FAT3: variants seen among roughly 807,000 people sequenced by gnomAD.
FAT3 encodes protocadherin Fat 3.
Under a neutral mutation model 310.2 loss-of-function variants are expected in FAT3, and 95 were observed. The observed-to-expected ratio is 0.31, with a 90% CI of 0.26 to 0.36. The LOEUF is 0.36. Among genes scored for constraint, FAT3 ranks in the 10% least tolerant of loss-of-function variants. The pLI is 1.00. For missense variants in FAT3, 5,408 were observed against 5,715.6 expected, an observed-to-expected ratio of 0.95 and a Z score of 1.74; for synonymous variants, 2,314 against 2,192.9, an observed-to-expected ratio of 1.06 and a Z score of -1.54.
rs183283798 is a variant in FAT3 at position 92,305,807 on chromosome 11, G to A, written c.-17-46289G>A. Among the ~76,000 whole-genome samples, 36 of 152,196 alleles carry A rather than the reference G, an allele frequency of 2.4e-4. 1 individual carries two copies. In the East Asian group the frequency reaches 5.8e-3, roughly 25 times the overall value. On this transcript the variant is annotated intron_variant, in intron 1 of 27. Transcript: ENST00000525166. ...CAAAGACAGACTAAGGAAATGTCCC[G>A]GATTGGAGGGGACTTAGTAGAAATG... is the stretch of plus-strand genomic sequence containing the variant.
At chr11:92,289,783 C>T (rs1186835144) in intron 1 of FAT3, among the ~76,000 whole-genome samples, 6 of 152,058 alleles carry the variant, frequency 3.9e-5, no homozygotes, top group African/African-American at 1.4e-4. Context: ...GCAGTAGCCT[C>T]TTTACTGGTC....
intron 4 of FAT3, among the ~76,000 whole-genome samples, chr11:92,728,524 G>GT (rs1020677589): frequency 6.6e-6 from 1 of 152,024 alleles, no homozygotes; most frequent in Non-Finnish European, 1.5e-5. Context: ...TTTTTTGTTT[G>GT]TTTTTTTAAA....
chr11:92,708,861 G>A (rs1426594023), intron 4 of FAT3, among the ~76,000 whole-genome samples: 1 of 152,214 alleles, frequency 6.6e-6, no homozygotes, highest in African/African-American at 2.4e-5. Context: ...TAAATAAGCT[G>A]TAAACATGTA....
intron 1 of FAT3, among the ~76,000 whole-genome samples, chr11:92,255,224 C>T (rs376393538): frequency 6.6e-6 from 1 of 151,874 alleles, no homozygotes; most frequent in Non-Finnish European, 1.5e-5. Flanking sequence ...CTCACAGGCC[C>T]CTCCCTGGGT....
chr11:92,302,744 T>G (rs969856227), intron 1 of FAT3, among the ~76,000 whole-genome samples: 3 of 152,188 alleles, frequency 2.0e-5, no homozygotes, highest in African/African-American at 7.2e-5. Context: ...CTGTTTTTAT[T>G]AATCATTTAA....
rs376019305 is a variant in FAT3, at chr11:92,798,611, C to T, written c.5598C>T (p.Pro1866=). ...SGSPQLTAES[P]VEVNIEVTDV... is the part of the protein sequence containing the mutation. ...GCCCCCAACTGACTGCAGAGAGTCC[C>T]GTTGAAGTCAACATTGAGGTGACAG... The change falls in exon 10 of 28, where the codon CCC becomes CCT. Residue 1866 remains proline (P), a synonymous_variant. Coordinates refer to ENST00000525166, the MANE Select transcript of FAT3 (RefSeq NM_001367949.2). The T allele has an allele frequency of 3.0e-5, 48 of 1,613,634 alleles. No individual in the cohort carries two copies. The highest frequency in any genetic ancestry group is 5.5e-5 in the South Asian group (5 of 91,024).
At chr11:92,617,266 A>G (rs1327567519) in intron 3 of FAT3, among the ~76,000 whole-genome samples, 1 of 152,118 alleles carries the variant, frequency 6.6e-6, no homozygotes, top group Non-Finnish European at 1.5e-5. Flanking sequence ...CACTTGATCA[A>G]ATTAGCTACT....
intron 2 of FAT3, among the ~76,000 whole-genome samples, chr11:92,394,596 G>A (rs1949821029): frequency 6.6e-6 from 1 of 151,672 alleles, no homozygotes; most frequent in African/African-American, 2.4e-5. Flanking sequence ...GTGGGATTTG[G>A]GCAAATTCCT....
chr11:92,665,650 T>C (rs992107734), intron 3 of FAT3, among the ~76,000 whole-genome samples: 6 of 152,206 alleles, frequency 3.9e-5, no homozygotes, highest in Admixed American at 2.0e-4. Flanking sequence ...CTCTTCTTTT[T>C]CATTTTAGTG....
chr11:92,304,170 T>C (rs1309902467), intron 1 of FAT3, among the ~76,000 whole-genome samples: 2 of 152,094 alleles, frequency 1.3e-5, no homozygotes, highest in Non-Finnish European at 2.9e-5. Flanking sequence ...CATGAGTGCT[T>C]AGGAAGGGCT....
At chr11:92,492,837 G>A (rs1270458548) in intron 2 of FAT3, among the ~76,000 whole-genome samples, 1 of 152,090 alleles carries the variant, frequency 6.6e-6, no homozygotes, top group African/African-American at 2.4e-5. Flanking sequence ...GCACTCAGTA[G>A]ATGCTGAACA....
At chr11:92,839,229 G>A (rs1948477351) in intron 17 of FAT3, among the ~76,000 whole-genome samples, 1 of 152,144 alleles carries the variant, frequency 6.6e-6, no homozygotes, top group African/African-American at 2.4e-5. Context: ...GAGTGATGGT[G>A]GGGCCCCTAT....
chr11:92,583,893 ATGAAGTAT>A (rs1452982506), intron 3 of FAT3, among the ~76,000 whole-genome samples: 1 of 149,064 alleles, frequency 6.7e-6, no homozygotes. Context: ...GAGGGAGCAG[ATGAAGTAT>A]TTGGATTGGG....
At chr11:92,299,058 TA>T (rs940076453) in intron 1 of FAT3, among the ~76,000 whole-genome samples, 1 of 151,964 alleles carries the variant, frequency 6.6e-6, no homozygotes, top group African/African-American at 2.4e-5. Flanking sequence ...AGAAGAGGGG[TA>T]GCTTTCTGTG....
At chr11:92,402,038 T>C (rs1024417678) in intron 2 of FAT3, among the ~76,000 whole-genome samples, 2 of 152,198 alleles carry the variant, frequency 1.3e-5, no homozygotes, top group Admixed American at 6.5e-5. Flanking sequence ...ATTTTGCAAT[T>C]ATCAAGTAAT....
chr11:92,576,038 G>T (rs1565426288), intron 3 of FAT3, among the ~76,000 whole-genome samples: 1 of 152,172 alleles, frequency 6.6e-6, no homozygotes, highest in Non-Finnish European at 1.5e-5. Context: ...AAAAATGTGT[G>T]CTGTGCTGAT....
At chr11:92,330,107 A>C (rs568137629) in intron 1 of FAT3, among the ~76,000 whole-genome samples, 3 of 152,202 alleles carry the variant, frequency 2.0e-5, no homozygotes, top group Non-Finnish European at 4.4e-5. Context: ...AGAGAACTGA[A>C]GCAAAAACAT....
Position 92,225,148 on chromosome 11 carries a change from A to C in FAT3, c.-44A>C, listed in dbSNP as rs1863848243. On this transcript the variant is annotated 5_prime_UTR_variant, in exon 1 of 28. Transcript: ENST00000525166. The stretch of plus-strand genomic sequence containing the variant: ...AGACCACGGGGGAGGCGCCTCGTAG[A>C]GCCGTGGATCGCCAGCGGAGGCAAG... Among the ~76,000 whole-genome samples the C allele has an allele frequency of 6.6e-6, 1 of 152,102 alleles. No homozygotes were observed. Among genetic ancestry groups the C allele is most frequent in the Admixed American group, 6.5e-5 (1 of 15,282 alleles).
At chr11:92,366,862 A>G in intron 2 of FAT3, 1 of 534,734 alleles carries the variant, frequency 1.9e-6, no homozygotes. Flanking sequence ...TGTAGAAAGG[A>G]TGGTTGGGCT....
Sources: allele counts gnomAD v4.1 joint callset (sites outside exome capture counted in the v4.1 genomes callset), GRCh38; gene constraint gnomAD v4.1.1; transcripts MANE v1.5; gene names NCBI Gene and HGNC (gene_info 2026-07-23, HGNC 2026-07-21).